Variants in PHF3 observed in about 807,000 individuals in gnomAD.
PHF3 encodes PHD finger protein 3.
In PHF3, 41 loss-of-function variants were observed where a neutral mutation model predicts 178.4. The observed-to-expected ratio is 0.23, with a 90% CI of 0.18 to 0.30. The LOEUF (loss-of-function observed/expected upper bound fraction) is 0.30, where lower values mean the gene tolerates loss of function less well. PHF3 is among the 10% of genes least tolerant of loss of function. The pLI is 1.00. For missense variants in PHF3, 2,346 were observed against 2,398.1 expected, an observed-to-expected ratio of 0.98 and a Z score of 0.45; for synonymous variants, 842 against 800.5, an observed-to-expected ratio of 1.05 and a Z score of -0.88.
Position 63,716,588 on chromosome 6 carries a change from T to C in PHF3, c.*2880T>C, listed in dbSNP as rs753410315. Among the ~76,000 whole-genome samples, 63 of 152,154 alleles carry C rather than the reference T, an allele frequency of 4.1e-4. No individual in the cohort carries two copies. The highest frequency in any genetic ancestry group is 2.0e-4 in the Admixed American group (3 of 15,246). ...ACAAATTTATGATCTTACGGTTCTG[T>C]GGATCAGAAGTCTGTGCAGATCTCA... is the stretch of plus-strand genomic sequence containing the variant. On this transcript the variant is annotated 3_prime_UTR_variant, in exon 16 of 16. Transcript: ENST00000262043.
chr6:63,643,521 G>A (rs1764663166), intron 1 of PHF3, among the ~76,000 whole-genome samples: 1 of 152,090 alleles, frequency 6.6e-6, no homozygotes, highest in Non-Finnish European at 1.5e-5. Flanking sequence ...GTCTTCTTTG[G>A]ACTCACAAAT....
At chr6:63,656,176 G>A (rs1054272805) in intron 2 of PHF3, among the ~76,000 whole-genome samples, 6 of 152,150 alleles carry the variant, frequency 3.9e-5, no homozygotes, top group Admixed American at 3.9e-4. Flanking sequence ...ATATTCTGTG[G>A]CTTTTCTGTT....
In PHF3 at chr6:63,720,953, T is replaced by TAGA; in HGVS notation, c.*7245_*7246insAGA. The TAGA allele has an allele frequency of 6.4e-7, 1 of 1,551,354 alleles. No homozygotes were observed. Among genetic ancestry groups the TAGA allele is most frequent in the Non-Finnish European group, 8.7e-7 (1 of 1,146,796 alleles). On this transcript the variant is annotated 3_prime_UTR_variant, in exon 16 of 16. Coordinates refer to ENST00000262043, the MANE Select transcript of PHF3 (RefSeq NM_001370348.2). Reference sequence around the variant, plus strand: ...TATAGCTCATAGGCACAGAGATTCTTTCTCCCAAGTTAACTGCTATTTTCA... The same window carrying TAGA: ...TATAGCTCATAGGCACAGAGATTCTTAGATCTCCCAAGTTAACTGCTATTTTCA...
chr6:63,713,982 T>G lies in PHF3; in HGVS notation c.*274T>G, dbSNP rs572624350. On this transcript the variant is annotated 3_prime_UTR_variant, in exon 16 of 16. Transcript: ENST00000262043. ...AAAGATTTGTTTTATTAATATGCAA[T>G]AAAGGCTTAGAAATTTTAGTTTTAT... 1 of 282,466 alleles carries G rather than the reference T, an allele frequency of 3.5e-6. No individual in the cohort carries two copies. The highest frequency in any genetic ancestry group is 1.4e-4 in the South Asian group (1 of 7,142). The allele number at this position is 282,466 out of a possible 1,614,324, so 17.5% of individuals were successfully genotyped here. A position where few individuals can be genotyped will look rare whatever the true frequency, so the allele number is the denominator to read the frequency against.
At chr6:63,675,151 C>T (rs549451280) in intron 2 of PHF3, among the ~76,000 whole-genome samples, 7 of 151,912 alleles carry the variant, frequency 4.6e-5, no homozygotes, top group African/African-American at 1.2e-4. Context: ...AAATCAGGCT[C>T]GAAGAGATTT....
chr6:63,706,947 A>C, intron 13 of PHF3, 71 bp downstream of exon 13: 1 of 1,315,356 alleles, frequency 7.6e-7, no homozygotes, highest in Non-Finnish European at 1.1e-6. Flanking sequence ...TTGACAGGGA[A>C]ATAAGACAGA....
rs1039599195 is a variant in PHF3 at position 63,724,598 on chromosome 6, A to T, written c.*10890A>T. ...TATCAAAAATCTTTTAAAGGTGTTA[A>T]ATTTTTAGCAGAAATAGATGAAAAG... On this transcript the variant is annotated 3_prime_UTR_variant, in exon 16 of 16. Transcript: ENST00000262043. 1.3e-5 allele frequency among the ~76,000 whole-genome samples: 2 copies of T among 152,114 alleles called. No individual in the cohort carries two copies. Among genetic ancestry groups the T allele is most frequent in the Non-Finnish European group, 2.9e-5 (2 of 67,998 alleles).
At chr6:63,692,071 GT>G (rs761521331) in intron 5 of PHF3, 28 bp downstream of exon 5, 29 of 1,507,344 alleles carry the variant, frequency 1.9e-5, no homozygotes, top group Non-Finnish European at 2.2e-5. Context: ...GCATTATTTT[GT>G]TTATTTAAGA....
rs1032017458 is a variant in PHF3, at chr6:63,725,442, T to C, written c.*11734T>C. The stretch of plus-strand genomic sequence containing the variant: ...TTACATAGGTCCCACTTAACATTAA[T>C]TTTGAGTTTTATTAGCAATATAACT... On this transcript the variant is annotated 3_prime_UTR_variant, in exon 16 of 16. Coordinates refer to ENST00000262043, the MANE Select transcript of PHF3 (RefSeq NM_001370348.2). Among the ~76,000 whole-genome samples, 5 of 152,116 alleles carry C rather than the reference T, an allele frequency of 3.3e-5. No homozygotes were observed. The highest frequency in any genetic ancestry group is 1.2e-4 in the African/African-American group (5 of 41,440).
intron 2 of PHF3, among the ~76,000 whole-genome samples, chr6:63,676,143 C>G (rs565704861): frequency 6.6e-6 from 1 of 152,254 alleles, no homozygotes; most frequent in African/African-American, 2.4e-5. Context: ...GAAACATTTT[C>G]TCTCACTCAT....
At chr6:63,666,426 A>G (rs1166025884) in intron 2 of PHF3, among the ~76,000 whole-genome samples, 1 of 151,820 alleles carries the variant, frequency 6.6e-6, no homozygotes, top group Non-Finnish European at 1.5e-5. Context: ...TAATATATAT[A>G]TATTTGCTTC....
Position 63,722,796 on chromosome 6 carries a change from C to T in PHF3, c.*9088C>T, listed in dbSNP as rs1768456328. On this transcript the variant is annotated 3_prime_UTR_variant, in exon 16 of 16. Coordinates refer to ENST00000262043, the MANE Select transcript of PHF3 (RefSeq NM_001370348.2). ...AATGGTGTTCTTTCCTTCTATTCTC[C>T]ATTGTGGTCTATACCAAGCCATTCT... Among the ~76,000 whole-genome samples the T allele has an allele frequency of 6.6e-6, 1 of 152,172 alleles. No homozygotes were observed. The highest frequency in any genetic ancestry group is 6.6e-5 in the Admixed American group (1 of 15,264).
At chr6:63,640,709 A>G (rs1315823243) in intron 1 of PHF3, among the ~76,000 whole-genome samples, 2 of 152,248 alleles carry the variant, frequency 1.3e-5, no homozygotes, top group African/African-American at 4.8e-5. Context: ...CAAATTATTT[A>G]AACTCTTTGA....
chr6:63,646,778 A>C lies in PHF3; in HGVS notation c.227A>C (p.Gln76Pro). 6.6e-7 allele frequency: 1 copy of C among 1,506,160 alleles called. No homozygotes were observed. Among genetic ancestry groups the C allele is most frequent in the Non-Finnish European group, 8.9e-7 (1 of 1,122,540 alleles). The allele number at this position is 1,506,160 out of a possible 1,614,324, so 93.3% of individuals were successfully genotyped here. ...PVLDSNDPNF[Q>P]MPCSTVVGLD... ...TTGGATAGCAATGATCCCAATTTCC[A>C]GATGCCTTGTTCAACAGGTAATTCT... The change falls in exon 2 of 16, where the codon CAG (glutamine) becomes CCG (proline). Residue 76 changes from glutamine to proline, a missense_variant. Gln to Pro is a moderately conservative substitution (Grantham distance 76, BLOSUM62 -1). This residue lies in a region of PHF3 where 843 missense variants were observed against 795.2 expected (regional missense o/e 1.06). Transcript: ENST00000262043.
Position 63,707,847 on chromosome 6 carries a change from G to GTT in PHF3, c.3711+973_3711+974dup, listed in dbSNP as rs1242888817. Among the ~76,000 whole-genome samples the GTT allele has an allele frequency of 4.3e-4, 64 of 148,074 alleles. 2 individuals carry two copies. Among genetic ancestry groups the GTT allele is most frequent in the South Asian group, 2.2e-4 (1 of 4,604 alleles). ...CAGTTTATTTGGTTAGCAGTTGTGG[G>GTT]TTTGTTTTTGTTTTTGTTTTTGTTT... is the stretch of plus-strand genomic sequence containing the variant. On this transcript the variant is annotated intron_variant, in intron 13 of 15. Transcript: ENST00000262043.
chr6:63,711,024 T>A (rs1334297122), intron 14 of PHF3, 143 bp from the exon 15 acceptor site: 1 of 529,916 alleles, frequency 1.9e-6, no homozygotes, highest in East Asian at 3.1e-5. Flanking sequence ...AATATTCTCT[T>A]CTGTATTTAA....
chr6:63,670,330 G>A (rs975177980), intron 2 of PHF3, among the ~76,000 whole-genome samples: 26 of 152,198 alleles, frequency 1.7e-4, no homozygotes, highest in South Asian at 2.1e-4. Flanking sequence ...CTGCAGTGGC[G>A]CTATCTCGGC....
rs573195840 is a variant in PHF3, at chr6:63,657,364, C to T, written c.244+10569C>T. 1.1e-4 allele frequency among the ~76,000 whole-genome samples: 16 copies of T among 152,260 alleles called. No individual in the cohort carries two copies. The South Asian group carries it at 2.9e-3, about 28-fold the overall frequency. Reference sequence around the variant, plus strand: ...TTTGCATTCAGAAATTCGCATATAACTTTTATCTTCCCCCAAACTTAAGTA... The same window carrying T: ...TTTGCATTCAGAAATTCGCATATAATTTTTATCTTCCCCCAAACTTAAGTA... On this transcript the variant is annotated intron_variant, in intron 2 of 15. Transcript: ENST00000262043.
At chr6:63,696,588 G>T (rs914027402) in intron 6 of PHF3, among the ~76,000 whole-genome samples, 5 of 152,192 alleles carry the variant, frequency 3.3e-5, no homozygotes, top group African/African-American at 9.7e-5. Flanking sequence ...TCAAGGTGCT[G>T]GGATTACAGG....
Sources: gnomAD v4.1 joint callset for allele counts (sites outside exome capture counted in the v4.1 genomes callset) on GRCh38, gnomAD v4.1.1 for gene constraint, gnomAD v4.1.1 regional missense constraint, MANE v1.5 for transcripts, NCBI Gene and HGNC (gene_info 2026-07-23, HGNC 2026-07-21) for gene names.